Variants in CHD6 observed in about 807,000 individuals in gnomAD.
CHD6 encodes the protein ATP-dependent chromatin remodeler CHD6.
Under a neutral mutation model 276.9 loss-of-function variants are expected in CHD6, and 50 were observed. The ratio of observed to expected loss-of-function variants is 0.18; its 90% CI spans 0.14 to 0.23. The LOEUF is 0.23. Among genes scored for constraint, CHD6 ranks in the 10% least tolerant of loss-of-function variants. The probability of loss-of-function intolerance (pLI) is 1.00; values close to 1 mark genes in which losing one functional copy is unlikely to be tolerated. For synonymous variants in CHD6, 1,173 were observed against 1,229.3 expected (o/e 0.95, Z 0.96); for missense variants, 2,564 against 3,365.8 (o/e 0.76, Z 5.89).
intron 5 of CHD6, among the ~76,000 whole-genome samples, chr20:41,510,060 C>CA (rs2044078360): frequency 6.6e-6 from 1 of 152,162 alleles, no homozygotes; most frequent in Non-Finnish European, 1.5e-5. Flanking sequence ...GCAGTGGGGC[C>CA]ATTCTGGTGC....
At chr20:41,541,965 G>GT (rs1384180939) in intron 2 of CHD6, among the ~76,000 whole-genome samples, 3 of 152,172 alleles carry the variant, frequency 2.0e-5, no homozygotes, top group Non-Finnish European at 4.4e-5. Flanking sequence ...ACTCTAGGCA[G>GT]TAACAAAAAC....
In CHD6 at chr20:41,548,086, A is replaced by C. The variant is rs1027252465; in HGVS notation, c.33+3219T>G. On this transcript the variant is annotated intron_variant, in intron 2 of 36. Coordinates refer to ENST00000373233, the MANE Select transcript of CHD6 (RefSeq NM_032221.5). ...GAGCCTCTTCTCTATTAGGCACTGA[A>C]TTCTCCATCCTGGAGCCTATATATT... is the stretch of plus-strand genomic sequence containing the variant. Among the ~76,000 whole-genome samples, 19 of 152,156 alleles carry C rather than the reference A, an allele frequency of 1.2e-4. 1 individual carries two copies. The highest frequency in any genetic ancestry group is 1.2e-3 in the Admixed American group (19 of 15,282).
intron 15 of CHD6, among the ~76,000 whole-genome samples, chr20:41,484,145 C>T (rs2043358459): frequency 6.6e-6 from 1 of 152,218 alleles, no homozygotes; most frequent in South Asian, 2.1e-4. Context: ...AAGTTAAGTT[C>T]AAACCTTGGC....
intron 1 of CHD6, among the ~76,000 whole-genome samples, chr20:41,612,472 C>A (rs1252865189): frequency 6.6e-6 from 1 of 152,184 alleles, no homozygotes; most frequent in African/African-American, 2.4e-5. Flanking sequence ...TCATCACTTA[C>A]AATGTGATCT....
intron 1 of CHD6, among the ~76,000 whole-genome samples, chr20:41,553,239 A>G (rs1009480674): frequency 2.0e-5 from 3 of 152,368 alleles, no homozygotes; most frequent in South Asian, 2.1e-4. Context: ...ACAATAAGAC[A>G]TACGTGTAGA....
intron 1 of CHD6, among the ~76,000 whole-genome samples, chr20:41,598,819 T>C (rs1240107288): frequency 6.6e-6 from 1 of 152,170 alleles, no homozygotes; most frequent in Admixed American, 6.5e-5. Context: ...TGTATGGTGG[T>C]ACTGTGGTGG....
intron 1 of CHD6, among the ~76,000 whole-genome samples, chr20:41,603,277 G>A (rs952998940): frequency 2.0e-5 from 3 of 152,128 alleles, no homozygotes; most frequent in Admixed American, 6.5e-5. Context: ...GGGAGGCGGA[G>A]GTTGCAGTGA....
At chr20:41,555,191 G>A (rs2045208849) in intron 1 of CHD6, among the ~76,000 whole-genome samples, 1 of 132,412 alleles carries the variant, frequency 7.6e-6, no homozygotes, top group Non-Finnish European at 1.6e-5. Context: ...GCCGGGCAGA[G>A]GCGCCCCTCA....
At position 41,555,493 on chromosome 20, in the gene CHD6, A is replaced by AGGGGCTCCTCACTTCTCAGAT. The variant is rs1372177889; in HGVS notation, c.-23-4154_-23-4134dup. On this transcript the variant is annotated intron_variant, in intron 1 of 36. Transcript: ENST00000373233. ...CCCAGACAGGGCGGCTGCCGGGCGG[A>AGGGGCTCCTCACTTCTCAGAT]GGGGCTCCTCACTTCTCAGATGGGG... 1.2e-3 allele frequency among the ~76,000 whole-genome samples: 176 copies of AGGGGCTCCTCACTTCTCAGAT among 149,612 alleles called. 1 individual carries two copies. Among genetic ancestry groups the AGGGGCTCCTCACTTCTCAGAT allele is most frequent in the African/African-American group, 4.0e-3 (163 of 40,294 alleles).
rs2145867308 is a variant in CHD6 at position 41,491,748 on chromosome 20, C to T, written c.1386G>A (p.Arg462=). 2 of 1,613,850 alleles carry T rather than the reference C, an allele frequency of 1.2e-6. No homozygotes were observed. Among genetic ancestry groups the T allele is most frequent in the Non-Finnish European group, 8.5e-7 (1 of 1,179,828 alleles). Residue 462 remains arginine (R), a synonymous_variant, in exon 11 of 37, where the codon CGG becomes CGA. Coordinates refer to ENST00000373233, the MANE Select transcript of CHD6 (RefSeq NM_032221.5). The part of the protein sequence containing the change: ...SREYKNSNQL[R]EYQLEGMNWL... Reference sequence around the variant, plus strand: ...AGTTCATCCCTTCCAGCTGGTACTCCCGGAGCTGGTTACTGTTCTTATACT... The same window carrying T: ...AGTTCATCCCTTCCAGCTGGTACTCTCGGAGCTGGTTACTGTTCTTATACT...
At chr20:41,410,060 G>A (rs1323986136) in intron 36 of CHD6, among the ~76,000 whole-genome samples, 3 of 152,176 alleles carry the variant, frequency 2.0e-5, no homozygotes, top group Non-Finnish European at 4.4e-5. Flanking sequence ...ACCACAGCAC[G>A]TGTGGCAGAA....
At position 41,497,552 on chromosome 20, in the gene CHD6, C is replaced by A; in HGVS notation, c.975-51G>T. ...GGCAAGCACATAACTAGCAAATGAT[C>A]GAGCTTTAAGGTGTTCAATAAACAC... On this transcript the variant is annotated intron_variant, in intron 7 of 36. Coordinates refer to ENST00000373233, the MANE Select transcript of CHD6 (RefSeq NM_032221.5). 3 of 1,289,416 alleles carry A rather than the reference C, an allele frequency of 2.3e-6. No homozygotes were observed. The South Asian group carries it at 3.6e-5, about 15-fold the overall frequency. The allele number at this position is 1,289,416 out of a possible 1,614,324, so 79.9% of individuals were successfully genotyped here.
intron 36 of CHD6, among the ~76,000 whole-genome samples, chr20:41,410,189 G>T (rs1471148399): frequency 3.3e-5 from 5 of 152,306 alleles, no homozygotes; most frequent in Non-Finnish European, 5.9e-5. Flanking sequence ...GATATCCTGT[G>T]CCCCAAGGTG....
intron 1 of CHD6, among the ~76,000 whole-genome samples, chr20:41,586,810 G>A (rs2045600425): frequency 6.6e-6 from 1 of 152,100 alleles, no homozygotes; most frequent in Admixed American, 6.6e-5. Flanking sequence ...CAGCAAATTT[G>A]GAACAAAAGG....
At chr20:41,616,421 A>G (rs919237448) in intron 1 of CHD6, among the ~76,000 whole-genome samples, 2 of 152,220 alleles carry the variant, frequency 1.3e-5, no homozygotes, top group African/African-American at 4.8e-5. Context: ...TCAATTTCGC[A>G]ACAGATCTAG....
intron 1 of CHD6, among the ~76,000 whole-genome samples, chr20:41,596,296 A>T (rs925191035): frequency 3.9e-5 from 6 of 152,196 alleles, no homozygotes; most frequent in African/African-American, 1.2e-4. Context: ...TGGCTTTGTA[A>T]ATGCCCCCTT....
intron 1 of CHD6, among the ~76,000 whole-genome samples, chr20:41,573,036 A>AGT: frequency 6.6e-6 from 1 of 151,976 alleles, no homozygotes; most frequent in East Asian, 1.9e-4. Flanking sequence ...CAGCCTCCCG[A>AGT]GTAGCTGGGA....
Position 41,423,568 on chromosome 20 carries a change from C to G in CHD6, c.4479G>C (p.Glu1493Asp), listed in dbSNP as rs1230444136. The G allele has an allele frequency of 1.2e-6, 2 of 1,614,236 alleles. No homozygotes were observed. Among genetic ancestry groups the G allele is most frequent in the Non-Finnish European group, 1.7e-6 (2 of 1,180,040 alleles). ...IISRLDKKSD[E>D]SLEQYFYSFV... ...AACTATAAAAATACTGTTCCAGGCTCTCATCCGACTTCTTGTCCAAACGGG... is the reference window on the plus strand; with the variant it reads ...AACTATAAAAATACTGTTCCAGGCTGTCATCCGACTTCTTGTCCAAACGGG... The change falls in exon 30 of 37, where the codon GAG (glutamate) becomes GAC (aspartate). Residue 1493 changes from glutamate to aspartate, a missense_variant. Physicochemically the swap from Glu to Asp is conservative, Grantham distance 45. Coordinates refer to ENST00000373233, the MANE Select transcript of CHD6 (RefSeq NM_032221.5).
chr20:41,597,636 G>C (rs961900737), intron 1 of CHD6, among the ~76,000 whole-genome samples: 2 of 151,862 alleles, frequency 1.3e-5, no homozygotes, highest in Non-Finnish European at 2.9e-5. Context: ...GGTCAAAAAG[G>C]CATCGCCCTC....
Sources: allele counts gnomAD v4.1 joint callset (sites outside exome capture counted in the v4.1 genomes callset), GRCh38; gene constraint gnomAD v4.1.1; transcripts MANE v1.5; gene names NCBI Gene and HGNC (gene_info 2026-07-23, HGNC 2026-07-21).